DLG2: variants seen among roughly 807,000 people sequenced by gnomAD.
The protein encoded by DLG2 is discs large MAGUK scaffold protein 2.
In DLG2, 45 loss-of-function variants were observed where a neutral mutation model predicts 132.5. The ratio of observed to expected loss-of-function variants is 0.34; its 90% CI spans 0.27 to 0.44. The LOEUF (loss-of-function observed/expected upper bound fraction) is 0.44. Ranked by LOEUF, DLG2 falls within the 20% of genes least tolerant of loss-of-function variation. The pLI, the probability that DLG2 is intolerant of heterozygous loss-of-function variation, is 1.00. For missense variants in DLG2, 1,045 were observed against 1,196.9 expected (o/e 0.87, Z 1.87); for synonymous variants, 424 against 419.6 (o/e 1.01, Z -0.13).
At chr11:84,892,543 T>A (rs944871922) in intron 6 of DLG2, among the ~76,000 whole-genome samples, 1 of 152,138 alleles carries the variant, frequency 6.6e-6, no homozygotes, top group Admixed American at 6.6e-5. Flanking sequence ...TTTCTAAATT[T>A]ATGCTTATAG....
chr11:83,754,581 T>C (rs2093573137), intron 18 of DLG2, among the ~76,000 whole-genome samples: 1 of 151,348 alleles, frequency 6.6e-6, no homozygotes, highest in African/African-American at 2.5e-5. Context: ...AGGGGTCTAT[T>C]CCACATGATC....
chr11:84,260,294 T>TTA (rs1235427320), intron 7 of DLG2, among the ~76,000 whole-genome samples: 3 of 152,004 alleles, frequency 2.0e-5, no homozygotes, highest in Non-Finnish European at 4.4e-5. Context: ...TTTCTTCACT[T>TTA]TATAAGTTTT....
chr11:83,706,931 C>T (rs971845036), intron 18 of DLG2, among the ~76,000 whole-genome samples: 4 of 152,134 alleles, frequency 2.6e-5, no homozygotes, highest in Non-Finnish European at 4.4e-5. Flanking sequence ...TTCTTCTAAC[C>T]CATATGGGGT....
At chr11:84,204,729 T>C (rs149403875) in intron 8 of DLG2, among the ~76,000 whole-genome samples, 1,726 of 152,330 alleles carry the variant, frequency 0.011, 36 homozygotes, top group African/African-American at 0.036. Context: ...TTTGTTATTA[T>C]TCTTTTGAGA....
At chr11:84,472,156 T>C (rs896697206) in intron 7 of DLG2, among the ~76,000 whole-genome samples, 3 of 151,880 alleles carry the variant, frequency 2.0e-5, no homozygotes, top group African/African-American at 7.2e-5. Flanking sequence ...TTCGTATTGC[T>C]ATCTTATGGC....
At chr11:83,649,849 T>C (rs2069530886) in intron 18 of DLG2, among the ~76,000 whole-genome samples, 1 of 152,208 alleles carries the variant, frequency 6.6e-6, no homozygotes, top group Admixed American at 6.5e-5. Context: ...CCATGATTTC[T>C]ATAGATATTC....
intron 5 of DLG2, among the ~76,000 whole-genome samples, chr11:85,136,503 G>A (rs1233437440): frequency 6.6e-6 from 1 of 151,976 alleles, no homozygotes; most frequent in East Asian, 1.9e-4. Context: ...CAGACACAGT[G>A]CTCAGTTGGG....
At chr11:84,135,675 G>A (rs2094574084) in intron 9 of DLG2, among the ~76,000 whole-genome samples, 1 of 152,120 alleles carries the variant, frequency 6.6e-6, no homozygotes, top group Non-Finnish European at 1.5e-5. Context: ...ATGCCGTGTG[G>A]TTGGAGTACA....
At chr11:84,395,186 A>T (rs1455253027) in intron 7 of DLG2, among the ~76,000 whole-genome samples, 1 of 151,538 alleles carries the variant, frequency 6.6e-6, no homozygotes, top group Non-Finnish European at 1.5e-5. Flanking sequence ...TTTTTTTTCA[A>T]GTCAGCTGGG....
intron 18 of DLG2, 53 bp from the exon 19 acceptor site, chr11:83,633,378 A>C: frequency 6.8e-7 from 1 of 1,477,330 alleles, no homozygotes; most frequent in South Asian, 1.2e-5. Flanking sequence ...CAAGAGTTGG[A>C]AATGCTGCAC....
intron 21 of DLG2, among the ~76,000 whole-genome samples, chr11:83,522,891 A>C (rs1394527546): frequency 6.6e-6 from 1 of 151,442 alleles, no homozygotes; most frequent in East Asian, 1.9e-4. Flanking sequence ...CTGTTGCTGA[A>C]ACTCTTTTCA....
intron 14 of DLG2, among the ~76,000 whole-genome samples, chr11:83,933,594 T>A (rs1404781917): frequency 6.6e-6 from 1 of 152,250 alleles, no homozygotes; most frequent in African/African-American, 2.4e-5. Context: ...CTATTTGTTC[T>A]ATTTCCTTGT....
chr11:85,484,795 G>A (rs1159127492), intron 3 of DLG2, among the ~76,000 whole-genome samples: 1 of 149,122 alleles, frequency 6.7e-6, no homozygotes, highest in South Asian at 2.1e-4. Context: ...TCAGTGTGGC[G>A]ATTCCTCAGG....
chr11:83,508,402 A>ACTTTTTTTTTT (rs2094840583), intron 21 of DLG2, among the ~76,000 whole-genome samples: 1 of 45,842 alleles, frequency 2.2e-5, no homozygotes, highest in Non-Finnish European at 4.4e-5. Flanking sequence ...ACGCCTGGCT[A>ACTTTTTTTTTT]ATTTTTTTTT....
chr11:83,827,102 A>G (rs1422410457), intron 17 of DLG2, among the ~76,000 whole-genome samples: 1 of 152,162 alleles, frequency 6.6e-6, no homozygotes, highest in East Asian at 1.9e-4. Flanking sequence ...CACGGCAGGT[A>G]TGGCATGGTG....
At chr11:84,600,784 A>G (rs1479351540) in intron 6 of DLG2, among the ~76,000 whole-genome samples, 1 of 152,214 alleles carries the variant, frequency 6.6e-6, no homozygotes, top group Non-Finnish European at 1.5e-5. Flanking sequence ...TGTATACCAA[A>G]GAAATCTGCG....
chr11:83,855,375 T>C (rs962033632), intron 16 of DLG2, among the ~76,000 whole-genome samples: 1 of 152,222 alleles, frequency 6.6e-6, no homozygotes, highest in African/African-American at 2.4e-5. Context: ...TGCATGTGAA[T>C]AGTTCTAGCA....
At chr11:84,666,466 ATCTATATATGTATATG>A (rs1259422614) in intron 6 of DLG2, among the ~76,000 whole-genome samples, 1 of 152,048 alleles carries the variant, frequency 6.6e-6, no homozygotes, top group Admixed American at 6.6e-5. Flanking sequence ...TTATGTATAT[ATCTATATATGTATATG>A]TCTATATATG....
At chr11:84,583,355 G>T (rs912918070) in intron 6 of DLG2, among the ~76,000 whole-genome samples, 3 of 152,174 alleles carry the variant, frequency 2.0e-5, no homozygotes, top group African/African-American at 7.2e-5. Context: ...CAACTGCTTT[G>T]TTTGAAAGAG....
Sources: gnomAD v4.1 joint callset for allele counts (sites outside exome capture counted in the v4.1 genomes callset) on GRCh38, gnomAD v4.1.1 for gene constraint, MANE v1.5 for transcripts, NCBI Gene and HGNC (gene_info 2026-07-23, HGNC 2026-07-21) for gene names.